Variants in ZIC4 observed in about 807,000 individuals in gnomAD.
ZIC4 encodes Zic family zinc finger 4.
Under a neutral mutation model 28.8 loss-of-function variants are expected in ZIC4, and 15 were observed. The observed-to-expected ratio is 0.52, with a 90% confidence interval of 0.35 to 0.80. The LOEUF is 0.80. ZIC4 is among the 30% of genes least tolerant of loss of function. The pLI is 0.01. For missense variants in ZIC4, 512 were observed against 467.1 expected (o/e 1.10, Z -0.89); for synonymous variants, 220 against 198.1 (o/e 1.11, Z -0.93).
rs1559959361 is a variant in ZIC4, at chr3:147,391,220, C to G, written c.715G>C (p.Glu239Gln). ...TGEKPFRCEF[E>Q]GCERRFANSS... The stretch of plus-strand genomic sequence containing the variant: ...TTGGCGAAGCGCCGCTCGCAGCCCT[C>G]GAACTCGCATCTGAAGGGCTTCTCG... The change falls in exon 4 of 5, where the codon GAG becomes CAG. Residue 239 changes from glutamate (E) to glutamine (Q), a missense_variant. Glu to Gln is a conservative substitution (Grantham distance 29). Around this residue, in one of 3 missense-constraint regions of ZIC4, gnomAD observed 58 missense variants for 93.8 expected, o/e 0.62. Transcript: ENST00000383075. 1 of 1,601,288 alleles carries G rather than the reference C, an allele frequency of 6.2e-7. No homozygotes were observed. The highest frequency in any genetic ancestry group is 8.5e-7 in the Non-Finnish European group (1 of 1,170,718).
intron 3 of ZIC4, among the ~76,000 whole-genome samples, chr3:147,394,783 T>C (rs1354772362): frequency 6.6e-6 from 1 of 152,216 alleles, no homozygotes; most frequent in Non-Finnish European, 1.5e-5. Flanking sequence ...GCCATGGACC[T>C]TCCCCGGGAA....
At chr3:147,404,200 G>C (rs1260962424) in intron 1 of ZIC4, 2 of 1,478,992 alleles carry the variant, frequency 1.4e-6, no homozygotes, top group Admixed American at 2.2e-5. Context: ...GCTTCTGGGG[G>C]AAATGGGTGT....
Position 147,390,926 on chromosome 3 carries a change from C to T in ZIC4, c.1004+5G>A. On this transcript the variant is annotated splice_donor_5th_base_variant and intron_variant, in intron 4 of 4. Transcript: ENST00000383075. Reference sequence around the variant, plus strand: ...GCTATGGGGCCCAAGCCCTGACACACGTACCATTCGCTCAAGTCGGCGGTA... The same window carrying T: ...GCTATGGGGCCCAAGCCCTGACACATGTACCATTCGCTCAAGTCGGCGGTA... 1.2e-6 allele frequency: 2 copies of T among 1,605,218 alleles called. No homozygotes were observed. The highest frequency in any genetic ancestry group is 1.3e-5 in the African/African-American group (1 of 74,934).
chr3:147,391,423 G>A, intron 3 of ZIC4, 177 bp from the exon 4 acceptor site: 1 of 761,334 alleles, frequency 1.3e-6, no homozygotes, highest in South Asian at 2.0e-5. Flanking sequence ...GAGCGCCCCC[G>A]GTGCCCTCTC....
intron 3 of ZIC4, chr3:147,393,841 C>A (rs2086979993): frequency 2.2e-6 from 1 of 455,558 alleles, no homozygotes; most frequent in African/African-American, 2.0e-5. Context: ...CTGGCCCGCG[C>A]CTCCCTCCCC....
In ZIC4 at chr3:147,386,652, T is replaced by G. The variant is rs955680705; in HGVS notation, c.*2207A>C. On this transcript the variant is annotated 3_prime_UTR_variant, in exon 5 of 5. Transcript: ENST00000383075. ...ACAGGAGTTTTGGGGAAACCTGAAC[T>G]GGGTGAAAGTTTCTTTGCTGGGCAC... is the stretch of plus-strand genomic sequence containing the variant. The G allele has an allele frequency of 6.6e-6, 1 of 152,300 alleles. No homozygotes were observed. The highest frequency in any genetic ancestry group is 1.5e-5 in the Non-Finnish European group (1 of 68,032). 9.4% of individuals were successfully genotyped at this position (152,300 alleles called of 1,614,324 possible). A position where few individuals can be genotyped will look rare whatever the true frequency, so the allele number is the denominator to read the frequency against.
In ZIC4 at chr3:147,387,215, G is replaced by A. The variant is rs1431805352; in HGVS notation, c.*1644C>T. The A allele has an allele frequency of 6.6e-6, 1 of 152,450 alleles. No individual in the cohort carries two copies. Among genetic ancestry groups the A allele is most frequent in the Non-Finnish European group, 1.5e-5 (1 of 68,048 alleles). 9.4% of individuals were successfully genotyped at this position (152,450 alleles called of 1,614,324 possible). On this transcript the variant is annotated 3_prime_UTR_variant, in exon 5 of 5. Coordinates refer to ENST00000383075, the MANE Select transcript of ZIC4 (RefSeq NM_032153.6). ...GACCAGGCCCTGACCCTGATGTCTA[G>A]GCATTGCTTTTGTTTATCCCTTAGC... is the stretch of plus-strand genomic sequence containing the variant.
rs1180916946 is a variant in ZIC4 at position 147,392,015 on chromosome 3, T to C, written c.689-769A>G. The C allele has an allele frequency of 5.1e-6, 5 of 985,334 alleles. No homozygotes were observed. In the Admixed American group the frequency reaches 1.8e-4, roughly 36 times the overall value. 61.0% of individuals were successfully genotyped at this position (985,334 alleles called of 1,614,324 possible). A position where few individuals can be genotyped will look rare whatever the true frequency, so the allele number is the denominator to read the frequency against. On this transcript the variant is annotated intron_variant, in intron 3 of 4. Transcript: ENST00000383075. ...CCAGATACGCTCGCCAGTAATAATA[T>C]TTCATTACGCTGCTCCAGAGGCTTC...
rs1464381615 is a variant in ZIC4, at chr3:147,386,623, C to T, written c.*2236G>A. On this transcript the variant is annotated 3_prime_UTR_variant, in exon 5 of 5. Coordinates refer to ENST00000383075, the MANE Select transcript of ZIC4 (RefSeq NM_032153.6). ...TATTTATTTAAACCACCTTTAAAACCACCACAGGAGTTTTGGGGAAACCTG... is the reference window on the plus strand; with the variant it reads ...TATTTATTTAAACCACCTTTAAAACTACCACAGGAGTTTTGGGGAAACCTG... 2.0e-5 allele frequency: 3 copies of T among 152,330 alleles called. No individual in the cohort carries two copies. The South Asian group carries it at 6.2e-4, about 32-fold the overall frequency. 9.4% of individuals were successfully genotyped at this position (152,330 alleles called of 1,614,324 possible).
At chr3:147,390,799 G>T in intron 4 of ZIC4, 132 bp downstream of exon 4, 1 of 1,192,656 alleles carries the variant, frequency 8.4e-7, no homozygotes, top group South Asian at 1.6e-5. Context: ...TTCGGTGTGT[G>T]CGGAAGCAGC....
Position 147,396,582 on chromosome 3 carries a change from C to G in ZIC4, c.71-113G>C. On this transcript the variant is annotated intron_variant, in intron 2 of 4. Coordinates refer to ENST00000383075, the MANE Select transcript of ZIC4 (RefSeq NM_032153.6). This position sits in a 1 kb window ranked among gnomAD's most constrained non-coding sequence, Gnocchi z 4.2. ...CCGCACTACGGCCTCTGCAGTCAGCCGTGGAACTCAGAGCCAGACAGCGCC... is the reference window on the plus strand; with the variant it reads ...CCGCACTACGGCCTCTGCAGTCAGCGGTGGAACTCAGAGCCAGACAGCGCC... The G allele has an allele frequency of 7.5e-7, 1 of 1,334,602 alleles. No homozygotes were observed. The highest frequency in any genetic ancestry group is 9.8e-7 in the Non-Finnish European group (1 of 1,021,492). 82.7% of individuals were successfully genotyped at this position (1,334,602 alleles called of 1,614,324 possible).
At chr3:147,395,494 GA>G (rs932174295) in intron 3 of ZIC4, among the ~76,000 whole-genome samples, 4 of 152,110 alleles carry the variant, frequency 2.6e-5, no homozygotes, top group African/African-American at 9.7e-5. Context: ...AAGGGACAAG[GA>G]AAAAAGTTAG....
chr3:147,394,222 T>C (rs1407431123), intron 3 of ZIC4, among the ~76,000 whole-genome samples: 1 of 151,808 alleles, frequency 6.6e-6, no homozygotes, highest in East Asian at 1.9e-4. Flanking sequence ...TAGTTCGTTG[T>C]TGGTCGTGTT....
Position 147,391,217 on chromosome 3 carries a change from C to A in ZIC4, c.718G>T (p.Gly240Cys). Residue 240 changes from glycine to cysteine, a missense_variant, in exon 4 of 5, where the codon GGC becomes TGC. This residue lies in a region of ZIC4 where 58 missense variants were observed against 93.8 expected (regional missense o/e 0.62). Coordinates refer to ENST00000383075, the MANE Select transcript of ZIC4 (RefSeq NM_032153.6). ...CTGTTGGCGAAGCGCCGCTCGCAGC[C>A]CTCGAACTCGCATCTGAAGGGCTTC... ...GEKPFRCEFE[G>C]CERRFANSSD... 1 of 1,601,726 alleles carries A rather than the reference C, an allele frequency of 6.2e-7. No individual in the cohort carries two copies. The highest frequency in any genetic ancestry group is 8.5e-7 in the Non-Finnish European group (1 of 1,170,954).
chr3:147,395,711 AATT>A (rs2087024927), intron 3 of ZIC4, 138 bp downstream of exon 3: 1 of 1,317,836 alleles, frequency 7.6e-7, no homozygotes, highest in East Asian at 2.3e-5. Flanking sequence ...AGAAGCGCAT[AATT>A]AATATTTTAT....
Position 147,396,320 on chromosome 3 carries a change from G to C in ZIC4, c.220C>G (p.Arg74Gly). The C allele has an allele frequency of 6.3e-7, 1 of 1,594,506 alleles. No homozygotes were observed. Among genetic ancestry groups the C allele is most frequent in the South Asian group, 1.1e-5 (1 of 88,834 alleles). The change falls in exon 3 of 5, where the codon CGG becomes GGG. Residue 74 changes from arginine to glycine, a missense_variant. Transcript: ENST00000383075. This position sits in a 1 kb window ranked among gnomAD's most constrained non-coding sequence, Gnocchi z 4.2. ...GGCCCTGGCGGGAAGGGCTCCGGCC[G>C]CGCGTACATGTCTCCAGGGAGCCCC... is the stretch of plus-strand genomic sequence containing the variant. ...RLGLPGDMYA[R>G]PEPFPPGPAA...
chr3:147,390,292 A>G (rs2086885830), intron 4 of ZIC4, among the ~76,000 whole-genome samples: 1 of 151,960 alleles, frequency 6.6e-6, no homozygotes, highest in African/African-American at 2.4e-5. Context: ...GGAAGGGGAA[A>G]CCATAGGAAG....
Position 147,388,755 on chromosome 3 carries a change from G to A in ZIC4, c.*104C>T. ...ACTTACCATGAAGATGCACCGTGGC[G>A]AAGAAACACTGCTTTGTGCGCGGGC... On this transcript the variant is annotated 3_prime_UTR_variant, in exon 5 of 5. Transcript: ENST00000383075. The A allele has an allele frequency of 1.4e-6, 1 of 727,124 alleles. No homozygotes were observed. Among genetic ancestry groups the A allele is most frequent in the East Asian group, 2.5e-5 (1 of 40,442 alleles). The allele number at this position is 727,124 out of a possible 1,614,324, so 45.0% of individuals were successfully genotyped here.
At chr3:147,398,549 G>C (rs2087099708) in intron 2 of ZIC4, among the ~76,000 whole-genome samples, 1 of 152,114 alleles carries the variant, frequency 6.6e-6, no homozygotes, top group Non-Finnish European at 1.5e-5. Flanking sequence ...GTAGTCCTTT[G>C]TCTGAGCCGA....
Sources: allele counts gnomAD v4.1 joint callset (sites outside exome capture counted in the v4.1 genomes callset), GRCh38; gene constraint gnomAD v4.1.1; regional missense constraint gnomAD v4.1.1; non-coding constraint Gnocchi (gnomAD v3.1); transcripts MANE v1.5; gene names NCBI Gene and HGNC (gene_info 2026-07-23, HGNC 2026-07-21).